Variants in NAPEPLD observed in about 807,000 individuals in gnomAD.
NAPEPLD encodes the protein N-acyl phosphatidylethanolamine phospholipase D, also known as N-acyl-phosphatidylethanolamine-hydrolyzing phospholipase D.
In NAPEPLD, 23 loss-of-function variants were observed where a neutral mutation model predicts 38.1. The ratio of observed to expected loss-of-function variants is 0.60; its 90% CI spans 0.43 to 0.86. The LOEUF is 0.86. Among genes scored for constraint, NAPEPLD ranks in the 40% least tolerant of loss-of-function variants. NAPEPLD has a pLI of 0.00. For synonymous variants in NAPEPLD, 147 were observed against 162.0 expected (o/e 0.91, Z 0.71); for missense variants, 411 against 476.8 (o/e 0.86, Z 1.28).
chr7:103,140,387 C>CTT (rs377763676), intron 1 of NAPEPLD, among the ~76,000 whole-genome samples: 11,432 of 92,408 alleles, frequency 0.12, 1,350 homozygotes, highest in East Asian at 0.29. Flanking sequence ...TCACAGAACT[C>CTT]TTTTTTTTTT....
At position 103,102,856 on chromosome 7, in the gene NAPEPLD, A is replaced by G. The variant is rs934019465; in HGVS notation, c.*573T>C. The G allele has an allele frequency of 6.6e-6, 1 of 152,628 alleles. No homozygotes were observed. The highest frequency in any genetic ancestry group is 1.5e-5 in the Non-Finnish European group (1 of 68,032). 9.5% of individuals were successfully genotyped at this position (152,628 alleles called of 1,614,324 possible). A position where few individuals can be genotyped will look rare whatever the true frequency, so the allele number is the denominator to read the frequency against. ...CAAGTCTTTAAAAATGATAGCCCCT[A>G]TGTTTTTATGCTTACCTAAATAAAC... On this transcript the variant is annotated 3_prime_UTR_variant, in exon 5 of 5. Transcript: ENST00000465647.
In NAPEPLD at chr7:103,119,676, A is replaced by G. The variant is rs1008762007; in HGVS notation, c.842T>C (p.Phe281Ser). The G allele has an allele frequency of 2.5e-6, 4 of 1,613,724 alleles. No homozygotes were observed. Among genetic ancestry groups the G allele is most frequent in the Non-Finnish European group, 3.4e-6 (4 of 1,179,766 alleles). ...SVLGPWNRFF[F>S]AGDTGYCPAF... ...AGGGCAATAACCAGTATCTCCTGCG[A>G]AAAAAAATCGATTCCAAGGCCCCAA... is the stretch of plus-strand genomic sequence containing the variant. Residue 281 changes from phenylalanine to serine, a missense_variant, in exon 3 of 5, where the codon TTC (phenylalanine) becomes TCC (serine). Transcript: ENST00000465647.
chr7:103,102,710 TA>T lies in NAPEPLD; in HGVS notation c.*718del, dbSNP rs1310209167. The stretch of plus-strand genomic sequence containing the variant: ...AGAATATACTGTTCTTTTAAAAATT[TA>T]AGTGAATGGTGGTCATGGGTGCATT... On this transcript the variant is annotated 3_prime_UTR_variant, in exon 5 of 5. Transcript: ENST00000465647. 6.6e-6 allele frequency: 1 copy of T among 152,408 alleles called. No homozygotes were observed. Among genetic ancestry groups the T allele is most frequent in the Admixed American group, 6.5e-5 (1 of 15,274 alleles). 9.4% of individuals were successfully genotyped at this position (152,408 alleles called of 1,614,324 possible). A position where few individuals can be genotyped will look rare whatever the true frequency, so the allele number is the denominator to read the frequency against.
At chr7:103,133,580 A>G (rs1809428914) in intron 1 of NAPEPLD, among the ~76,000 whole-genome samples, 1 of 152,184 alleles carries the variant, frequency 6.6e-6, no homozygotes, top group Admixed American at 6.5e-5. Flanking sequence ...CACTCAGAAG[A>G]CCACAGATAA....
chr7:103,135,646 A>T (rs1809874653), intron 1 of NAPEPLD, among the ~76,000 whole-genome samples: 1 of 152,222 alleles, frequency 6.6e-6, no homozygotes, highest in South Asian at 2.1e-4. Flanking sequence ...AGCTTAATAT[A>T]CAGGATCTGA....
At chr7:103,116,657 T>A (rs1304351995) in intron 3 of NAPEPLD, among the ~76,000 whole-genome samples, 1 of 152,052 alleles carries the variant, frequency 6.6e-6, no homozygotes, top group East Asian at 1.9e-4. Flanking sequence ...AACAATGAGG[T>A]GTTTGGTTTG....
At chr7:103,106,604 T>C (rs1308224857) in intron 4 of NAPEPLD, among the ~76,000 whole-genome samples, 2 of 151,902 alleles carry the variant, frequency 1.3e-5, no homozygotes, top group Non-Finnish European at 2.9e-5. Flanking sequence ...AGTAGGCAGT[T>C]TTCCCCTCAC....
At chr7:103,126,290 C>T (rs1475948416) in intron 2 of NAPEPLD, among the ~76,000 whole-genome samples, 1 of 152,210 alleles carries the variant, frequency 6.6e-6, no homozygotes, top group Non-Finnish European at 1.5e-5. Flanking sequence ...GCTCCATGTG[C>T]ACTGTTGTCA....
intron 4 of NAPEPLD, among the ~76,000 whole-genome samples, chr7:103,109,826 A>G (rs776271008): frequency 5.9e-5 from 9 of 151,548 alleles, no homozygotes; most frequent in Non-Finnish European, 1.2e-4. Flanking sequence ...CATTAGCCAG[A>G]CTAATAAAGA....
chr7:103,133,603 A>G (rs1219565610), intron 1 of NAPEPLD, among the ~76,000 whole-genome samples: 3 of 152,196 alleles, frequency 2.0e-5, no homozygotes, highest in Non-Finnish European at 4.4e-5. Context: ...TGACAGAAAA[A>G]GTAGGAATGA....
chr7:103,105,046 A>G (rs1803026406), intron 4 of NAPEPLD, among the ~76,000 whole-genome samples: 1 of 152,192 alleles, frequency 6.6e-6, no homozygotes, highest in Non-Finnish European at 1.5e-5. Flanking sequence ...TCTGTCTTTA[A>G]TCTGCCTAGA....
At chr7:103,106,958 A>AG (rs1803497361) in intron 4 of NAPEPLD, among the ~76,000 whole-genome samples, 1 of 152,154 alleles carries the variant, frequency 6.6e-6, no homozygotes, top group African/African-American at 2.4e-5. Flanking sequence ...CCTGGCTGGG[A>AG]GACACCTCCC....
chr7:103,121,013 G>C (rs2129528995), intron 2 of NAPEPLD, among the ~76,000 whole-genome samples: 1 of 152,202 alleles, frequency 6.6e-6, no homozygotes, highest in South Asian at 2.1e-4. Context: ...TGCCTGGCCT[G>C]AATCTCACTT....
intron 1 of NAPEPLD, among the ~76,000 whole-genome samples, chr7:103,137,799 G>A (rs1441235609): frequency 7.8e-6 from 1 of 129,000 alleles, no homozygotes; most frequent in African/African-American, 3.0e-5. Flanking sequence ...CTGGGTGACA[G>A]AGCAAGATGC....
At chr7:103,133,792 A>C (rs1040174654) in intron 1 of NAPEPLD, among the ~76,000 whole-genome samples, 3 of 152,224 alleles carry the variant, frequency 2.0e-5, no homozygotes, top group Non-Finnish European at 4.4e-5. Context: ...TCCACCCTTG[A>C]TTTCAGGCCA....
upstream of NAPEPLD, chr7:103,149,436 A>G: frequency 8.0e-7 from 1 of 1,248,542 alleles, no homozygotes; most frequent in Non-Finnish European, 1.0e-6. Context: ...TCCGCCGAGG[A>G]CGCCAGCAGC....
Position 103,103,423 on chromosome 7 carries a change from CA to C in NAPEPLD, c.*5del. ...TTTTCATTAAAAGTGCCTGTGCTCA[CA>C]TTTATTAAAAGTTTTCATCATCATT... On this transcript the variant is annotated 3_prime_UTR_variant, in exon 5 of 5. Coordinates refer to ENST00000465647, the MANE Select transcript of NAPEPLD (RefSeq NM_001122838.3). 2 of 1,549,600 alleles carry C rather than the reference CA, an allele frequency of 1.3e-6. No homozygotes were observed. The highest frequency in any genetic ancestry group is 1.7e-6 in the Non-Finnish European group (2 of 1,157,966).
chr7:103,135,072 T>G (rs570139820), intron 1 of NAPEPLD, among the ~76,000 whole-genome samples: 2 of 152,306 alleles, frequency 1.3e-5, no homozygotes, highest in East Asian at 3.9e-4. Context: ...AACACACTCA[T>G]AAATTATGAA....
intron 3 of NAPEPLD, among the ~76,000 whole-genome samples, chr7:103,117,595 A>G (rs960644288): frequency 2.0e-5 from 3 of 152,330 alleles, no homozygotes; most frequent in East Asian, 1.9e-4. Context: ...TTTATAGAGC[A>G]CTCTCAAGTG....
Sources: gnomAD v4.1 joint callset for allele counts (sites outside exome capture counted in the v4.1 genomes callset) on GRCh38, gnomAD v4.1.1 for gene constraint, MANE v1.5 for transcripts, NCBI Gene and HGNC (gene_info 2026-07-23, HGNC 2026-07-21) for gene names.